The following TM7SF3 variants were observed in gnomAD, a reference collection of about 807,000 sequenced individuals.
The protein encoded by TM7SF3 is seven span transmembrane protein.
Under a neutral mutation model 65.5 loss-of-function variants are expected in TM7SF3, and 60 were observed. That is an observed-to-expected ratio of 0.92 (90% CI 0.74 to 1.14). The LOEUF is 1.14. Ranked by LOEUF, TM7SF3 falls within the 50% of genes most tolerant of loss-of-function variation. The probability of loss-of-function intolerance (pLI) is 0.00; values close to 1 mark genes in which losing one functional copy is unlikely to be tolerated. For synonymous variants in TM7SF3, 264 were observed against 259.6 expected (o/e 1.02, Z -0.16); for missense variants, 623 against 684.8 (o/e 0.91, Z 1.01).
intron 3 of TM7SF3, among the ~76,000 whole-genome samples, chr12:26,998,130 G>A (rs530771210): frequency 3.4e-4 from 51 of 152,060 alleles, no homozygotes; most frequent in Non-Finnish European, 4.9e-4. Context: ...ACCGTGCCCG[G>A]CCTGCTCCCT....
intron 8 of TM7SF3, chr12:26,980,363 A>G (rs1939763611): frequency 1.8e-6 from 1 of 567,512 alleles, no homozygotes; most frequent in Admixed American, 3.6e-5. Flanking sequence ...CCTAAGTACC[A>G]AGGAATTCAC....
chr12:27,014,347 C>G lies in TM7SF3; in HGVS notation c.-179G>C, dbSNP rs1396871927. 1.8e-5 allele frequency: 7 copies of G among 379,612 alleles called. No individual in the cohort carries two copies. The highest frequency in any genetic ancestry group is 2.2e-4 in the South Asian group (2 of 9,276). 23.5% of individuals were successfully genotyped at this position (379,612 alleles called of 1,614,324 possible). ...AGCCGCCGGCGCGCGCCCCGCCGAA[C>G]TCCTAGCCCCAGCGAGAGGTTTCCT... On this transcript the variant is annotated 5_prime_UTR_variant, in exon 1 of 12. Coordinates refer to ENST00000343028, the MANE Select transcript of TM7SF3 (RefSeq NM_016551.3).
intron 3 of TM7SF3, among the ~76,000 whole-genome samples, chr12:26,998,008 T>C (rs939560636): frequency 3.3e-5 from 5 of 152,080 alleles, no homozygotes; most frequent in African/African-American, 1.2e-4. Flanking sequence ...GTATTTTTAG[T>C]AGAGATAGAG....
intron 8 of TM7SF3, chr12:26,980,164 G>A (rs1939754469): frequency 3.4e-6 from 2 of 585,974 alleles, no homozygotes. Context: ...GCCAGTGACA[G>A]GCTTGGCTTG....
rs372536724 is a variant in TM7SF3 at position 26,972,740 on chromosome 12, G to A, written c.*1225C>T. 1.5e-4 allele frequency among the ~76,000 whole-genome samples: 23 copies of A among 151,886 alleles called. No individual in the cohort carries two copies. Among genetic ancestry groups the A allele is most frequent in the Middle Eastern group, 3.4e-3 (1 of 294 alleles). On this transcript the variant is annotated 3_prime_UTR_variant, in exon 12 of 12. Transcript: ENST00000343028. ...GCTGGGATTACAGGTTTGAGCCACC[G>A]CACCTGGTCGGCAATATAGATTAAG...
intron 2 of TM7SF3, among the ~76,000 whole-genome samples, chr12:27,000,531 C>T (rs1762386874): frequency 6.6e-6 from 1 of 152,116 alleles, no homozygotes; most frequent in South Asian, 2.1e-4. Flanking sequence ...GCGATCTCAG[C>T]TTACTACAAG....
chr12:26,996,945 C>T, intron 3 of TM7SF3, 83 bp from the exon 4 acceptor site: 4 of 1,391,244 alleles, frequency 2.9e-6, no homozygotes, highest in Non-Finnish European at 2.9e-6. Flanking sequence ...TCTATCTACT[C>T]TTACAAAAAC....
chr12:26,998,936 A>G (rs1226711202), intron 3 of TM7SF3, among the ~76,000 whole-genome samples: 3 of 152,214 alleles, frequency 2.0e-5, no homozygotes, highest in Non-Finnish European at 2.9e-5. Flanking sequence ...CATGACGTCG[A>G]GCTTACTGCT....
chr12:26,977,104 A>G (rs1382928303), intron 9 of TM7SF3, among the ~76,000 whole-genome samples: 1 of 152,226 alleles, frequency 6.6e-6, no homozygotes, highest in Admixed American at 6.5e-5. Flanking sequence ...AAATGGCCCC[A>G]TACCTCAAGA....
intron 6 of TM7SF3, 145 bp downstream of exon 6, chr12:26,990,305 T>C: frequency 1.8e-6 from 1 of 548,846 alleles, no homozygotes; most frequent in South Asian, 2.9e-5. Flanking sequence ...TGCTGTTTTG[T>C]TTACTGCTAT....
intron 1 of TM7SF3, chr12:27,012,596 C>T (rs537452519): frequency 2.2e-6 from 1 of 455,946 alleles, no homozygotes; most frequent in Admixed American, 2.3e-5. Context: ...CAACTAGTGC[C>T]TTTTACATTT....
chr12:27,007,596 G>A (rs1331921648), intron 1 of TM7SF3, among the ~76,000 whole-genome samples: 1 of 151,230 alleles, frequency 6.6e-6, no homozygotes, highest in Non-Finnish European at 1.5e-5. Flanking sequence ...CAAAATCCCT[G>A]GGGCTAAGGT....
chr12:26,982,648 A>C, intron 7 of TM7SF3, 125 bp downstream of exon 7: 1 of 623,230 alleles, frequency 1.6e-6, no homozygotes, highest in Non-Finnish European at 2.7e-6. Context: ...CACGACTACA[A>C]GACCCCAGCT....
At chr12:26,981,005 C>T (rs1004635736) in intron 7 of TM7SF3, among the ~76,000 whole-genome samples, 1 of 152,036 alleles carries the variant, frequency 6.6e-6, no homozygotes, top group Non-Finnish European at 1.5e-5. Flanking sequence ...GTATGTGATA[C>T]GAAATTACAC....
In TM7SF3 at chr12:27,010,333, GA is replaced by G. The variant is rs574607826; in HGVS notation, c.91+3744del. On this transcript the variant is annotated intron_variant, in intron 1 of 11. Transcript: ENST00000343028. Reference sequence around the variant, plus strand: ...AATCAGGCACTCAGAGCAGCCCTACGAAAAAATTAGTGGGAAGAAAGGAACT... The same window carrying G: ...AATCAGGCACTCAGAGCAGCCCTACGAAAAATTAGTGGGAAGAAAGGAACT... 1.8e-3 allele frequency among the ~76,000 whole-genome samples: 278 copies of G among 152,278 alleles called. 3 individuals carry two copies. Among genetic ancestry groups the G allele is most frequent in the African/African-American group, 6.4e-3 (264 of 41,542 alleles).
At chr12:27,002,288 C>A (rs776733492) in intron 2 of TM7SF3, among the ~76,000 whole-genome samples, 2 of 144,812 alleles carry the variant, frequency 1.4e-5, no homozygotes, top group East Asian at 2.0e-4. Context: ...CAGAGCAAAA[C>A]CCCATCTCTA....
At chr12:26,998,170 C>T (rs1940680123) in intron 3 of TM7SF3, among the ~76,000 whole-genome samples, 1 of 152,100 alleles carries the variant, frequency 6.6e-6, no homozygotes, top group Non-Finnish European at 1.5e-5. Flanking sequence ...GGCTTTCTTC[C>T]TACCTTCTTG....
intron 8 of TM7SF3, 35 bp downstream of exon 8, chr12:26,980,531 T>C: frequency 9.1e-7 from 1 of 1,100,084 alleles, no homozygotes; most frequent in African/African-American, 1.6e-5. Context: ...CCTGCCTTCT[T>C]GAATACCCAG....
Position 26,982,853 on chromosome 12 carries a change from A to G in TM7SF3, c.875T>C (p.Val292Ala), listed in dbSNP as rs1939875932. The G allele has an allele frequency of 1.3e-6, 2 of 1,595,342 alleles. No individual in the cohort carries two copies. Among genetic ancestry groups the G allele is most frequent in the South Asian group, 1.1e-5 (1 of 87,370 alleles). Residue 292 changes from valine to alanine, a missense_variant, in exon 7 of 12, where the codon GTG becomes GCG. Physicochemically the swap from Val to Ala is moderately conservative, Grantham distance 64 (BLOSUM62 0). Transcript: ENST00000343028. The part of the protein sequence containing the change: ...GEGSCASLGR[V>A]SSKVFFTLFA... ...AAGAGTGAAGAACACTTTGGAAGAC[A>G]CTCTTCCTAAAAAATAATGAAAATT... is the stretch of plus-strand genomic sequence containing the variant.
Sources: gnomAD v4.1 joint callset for allele counts (sites outside exome capture counted in the v4.1 genomes callset) on GRCh38, gnomAD v4.1.1 for gene constraint, MANE v1.5 for transcripts, NCBI Gene and HGNC (gene_info 2026-07-23, HGNC 2026-07-21) for gene names.